ADGRD1: variants seen among roughly 807,000 people sequenced by gnomAD.
ADGRD1 encodes G-protein coupled receptor 133.
A neutral mutation model predicts 113.4 loss-of-function variants in ADGRD1; 77 were observed. The observed-to-expected ratio is 0.68, with a 90% CI of 0.57 to 0.82. The LOEUF (loss-of-function observed/expected upper bound fraction) is 0.82, where lower values mean the gene tolerates loss of function less well. Ranked by LOEUF, ADGRD1 falls within the 40% of genes least tolerant of loss-of-function variation. The pLI, the probability that ADGRD1 is intolerant of heterozygous loss-of-function variation, is 0.00. For synonymous variants in ADGRD1, 474 were observed against 475.0 expected, an observed-to-expected ratio of 1.00 and a Z score of 0.03; for missense variants, 1,036 against 1,139.1, an observed-to-expected ratio of 0.91 and a Z score of 1.30.
chr12:131,108,640 A>C (rs1408792638), intron 17 of ADGRD1, 84 bp from the exon 18 acceptor site: 26 of 1,585,200 alleles, frequency 1.6e-5, no homozygotes, highest in Non-Finnish European at 2.2e-5. Flanking sequence ...CACCCAGGAC[A>C]TGGATACTGG....
chr12:131,059,288 C>G (rs1043911307), intron 13 of ADGRD1, among the ~76,000 whole-genome samples: 2 of 152,182 alleles, frequency 1.3e-5, no homozygotes, highest in Non-Finnish European at 2.9e-5. Flanking sequence ...ATTCTCGTGC[C>G]TCAGCCTCCT....
chr12:131,130,496 G>A (rs1202752156), intron 20 of ADGRD1, among the ~76,000 whole-genome samples: 2 of 152,242 alleles, frequency 1.3e-5, no homozygotes, highest in East Asian at 3.9e-4. Context: ...GACAGGGCCG[G>A]TCTCCTGCTG....
intron 15 of ADGRD1, among the ~76,000 whole-genome samples, chr12:131,104,153 G>C (rs755254509): frequency 2.6e-5 from 4 of 152,236 alleles, no homozygotes; most frequent in Non-Finnish European, 5.9e-5. Context: ...TCACCACCGT[G>C]TCCATTTAGA....
rs7350616 is a variant in ADGRD1 at position 130,954,692 on chromosome 12, G to A, written c.103+32G>A. Reference sequence around the variant, plus strand: ...GTGTTTCCTTCTCACTCTGAGCACCGCTCTCCCCCTGCCTAGTGCAGGTAT... The same window carrying A: ...GTGTTTCCTTCTCACTCTGAGCACCACTCTCCCCCTGCCTAGTGCAGGTAT... On this transcript the variant is annotated intron_variant, in intron 2 of 24. Coordinates refer to ENST00000261654, the MANE Select transcript of ADGRD1 (RefSeq NM_198827.5). The surrounding 1 kb of genome is among the most constrained non-coding windows in gnomAD (Gnocchi z 4.7). 0.14 allele frequency: 222,968 copies of A among 1,600,518 alleles called. 16,761 individuals carry two copies. The highest frequency in any genetic ancestry group is 0.19 in the South Asian group (17,375 of 90,784).
At chr12:131,015,624 T>TTGGAGATGGAGATGGGAA (rs1878477640) in intron 13 of ADGRD1, among the ~76,000 whole-genome samples, 2 of 140,940 alleles carry the variant, frequency 1.4e-5, no homozygotes, top group Non-Finnish European at 3.0e-5. Context: ...GGAGATGGAG[T>TTGGAGATGGAGATGGGAA]TGGAGATGGA....
At chr12:131,126,391 C>T (rs1439192971) in intron 20 of ADGRD1, among the ~76,000 whole-genome samples, 1 of 152,194 alleles carries the variant, frequency 6.6e-6, no homozygotes, top group Non-Finnish European at 1.5e-5. Context: ...GTCTCCCAAA[C>T]TGTAATAAAT....
chr12:130,983,914 CA>C (rs530289807), intron 5 of ADGRD1, among the ~76,000 whole-genome samples: 18 of 152,316 alleles, frequency 1.2e-4, no homozygotes, highest in Admixed American at 1.0e-3. Flanking sequence ...GGGGAATCAA[CA>C]GTCAAAGTCT....
intron 13 of ADGRD1, among the ~76,000 whole-genome samples, chr12:131,076,357 T>C (rs1050622241): frequency 4.6e-5 from 7 of 152,100 alleles, no homozygotes; most frequent in Non-Finnish European, 7.4e-5. Flanking sequence ...GTGAGTGGAA[T>C]GGAGCTAGAG....
chr12:131,055,256 C>T (rs1883754778), intron 13 of ADGRD1, among the ~76,000 whole-genome samples: 1 of 152,160 alleles, frequency 6.6e-6, no homozygotes, highest in South Asian at 2.1e-4. Context: ...ACCTCACAAC[C>T]CTGTGAGTGA....
At chr12:131,030,258 G>A (rs199786435) in intron 13 of ADGRD1, among the ~76,000 whole-genome samples, 31 of 128,402 alleles carry the variant, frequency 2.4e-4, no homozygotes, top group Non-Finnish European at 4.3e-4. Flanking sequence ...TGGACCCGTC[G>A]TAGGTGACAT....
In ADGRD1 at chr12:131,131,772, C is replaced by G. The variant is rs1338367550; in HGVS notation, c.2223C>G (p.Ile741Met). 6.2e-7 allele frequency: 1 copy of G among 1,612,384 alleles called. No individual in the cohort carries two copies. Among genetic ancestry groups the G allele is most frequent in the African/African-American group, 1.3e-5 (1 of 74,806 alleles). The change falls in exon 21 of 25, where the codon ATC (isoleucine) becomes ATG (methionine). Residue 741 changes from isoleucine to methionine, a missense_variant. Coordinates refer to ENST00000261654, the MANE Select transcript of ADGRD1 (RefSeq NM_198827.5). ...LIAVTRVISQ[I>M]SADNYKIHGD... Reference sequence around the variant, plus strand: ...CTGTGACCAGAGTCATCTCACAGATCAGCGCCGACAACTACAAGATCCATG... The same window carrying G: ...CTGTGACCAGAGTCATCTCACAGATGAGCGCCGACAACTACAAGATCCATG...
At chr12:130,962,745 G>A (rs554562588) in intron 2 of ADGRD1, 2 of 152,146 alleles carry the variant, frequency 1.3e-5, no homozygotes, top group Non-Finnish European at 2.9e-5. Context: ...AGACACTTAA[G>A]TTATTGTTTA....
At chr12:131,035,750 A>G (rs1321112325) in intron 13 of ADGRD1, among the ~76,000 whole-genome samples, 2 of 152,240 alleles carry the variant, frequency 1.3e-5, no homozygotes, top group Non-Finnish European at 2.9e-5. Context: ...TATTATAACA[A>G]TGTTAATAGG....
chr12:131,044,354 T>C (rs191959290), intron 13 of ADGRD1, among the ~76,000 whole-genome samples: 184 of 152,294 alleles, frequency 1.2e-3, no homozygotes, highest in South Asian at 2.9e-3. Flanking sequence ...CGCGTGTTGC[T>C]GTCCGGCTCC....
At chr12:130,992,456 G>T in intron 8 of ADGRD1, 64 bp downstream of exon 8, 1 of 1,375,366 alleles carries the variant, frequency 7.3e-7, no homozygotes, top group Admixed American at 2.1e-5. Context: ...GACCATAGAT[G>T]TTTCTGTTTG....
At chr12:131,080,863 G>A (rs973948424) in intron 14 of ADGRD1, among the ~76,000 whole-genome samples, 8 of 152,026 alleles carry the variant, frequency 5.3e-5, no homozygotes, top group Non-Finnish European at 7.4e-5. Flanking sequence ...CTCGTGATCC[G>A]CCCGCCTCGG....
chr12:131,137,048 G>A (rs774533366), intron 23 of ADGRD1, 34 bp downstream of exon 23: 17 of 1,579,264 alleles, frequency 1.1e-5, no homozygotes, highest in African/African-American at 1.3e-5. Context: ...AGGTGCAGGT[G>A]CAGCTGGCTT....
intron 13 of ADGRD1, among the ~76,000 whole-genome samples, chr12:131,020,725 G>T (rs1202247634): frequency 6.6e-6 from 1 of 152,214 alleles, no homozygotes; most frequent in Non-Finnish European, 1.5e-5. Flanking sequence ...TCCTTGTGCA[G>T]TGCGGGGGAC....
intron 13 of ADGRD1, among the ~76,000 whole-genome samples, 200 bp downstream of exon 13, chr12:131,014,540 G>A (rs1286286953): frequency 1.3e-5 from 2 of 152,182 alleles, no homozygotes; most frequent in East Asian, 3.8e-4. Context: ...ATAGTGCCTG[G>A]GCTGGCCACG....
Sources: allele counts gnomAD v4.1 joint callset (sites outside exome capture counted in the v4.1 genomes callset), GRCh38; gene constraint gnomAD v4.1.1; non-coding constraint Gnocchi (gnomAD v3.1); transcripts MANE v1.5; gene names NCBI Gene and HGNC (gene_info 2026-07-23, HGNC 2026-07-21).